CUL3: variants seen among roughly 807,000 people sequenced by gnomAD.
CUL3 encodes the protein cullin-3.
A neutral mutation model predicts 89.1 loss-of-function variants in CUL3; 19 were observed. The ratio of observed to expected loss-of-function variants is 0.21; its 90% CI spans 0.15 to 0.31. The LOEUF is 0.31. Among genes scored for constraint, CUL3 ranks in the 10% least tolerant of loss-of-function variants. CUL3 has a pLI of 1.00. For synonymous variants in CUL3, 351 were observed against 308.4 expected (o/e 1.14, Z -1.45); for missense variants, 469 against 942.3 (o/e 0.50, Z 6.58).
At chr2:224,539,424 C>T (rs1694012552) in intron 2 of CUL3, among the ~76,000 whole-genome samples, 1 of 152,152 alleles carries the variant, frequency 6.6e-6, no homozygotes, top group East Asian at 1.9e-4. Flanking sequence ...ATACTCTTAC[C>T]ATATAATCTG....
At chr2:224,513,399 T>C (rs995199936) in intron 5 of CUL3, 125 bp downstream of exon 5, 5 of 648,368 alleles carry the variant, frequency 7.7e-6, no homozygotes, top group African/African-American at 1.9e-5. Context: ...GATGGGCATT[T>C]TTTGCATACT....
At chr2:224,580,727 G>C (rs1277229252) in intron 1 of CUL3, among the ~76,000 whole-genome samples, 1 of 151,742 alleles carries the variant, frequency 6.6e-6, no homozygotes, top group African/African-American at 2.4e-5. Flanking sequence ...AAAAGAATCT[G>C]ATATTACTGA....
At chr2:224,509,719 G>A (rs2106211365) in intron 6 of CUL3, among the ~76,000 whole-genome samples, 1 of 152,334 alleles carries the variant, frequency 6.6e-6, no homozygotes, top group Non-Finnish European at 1.5e-5. Context: ...ATTCAGGTAT[G>A]CCCAACAACC....
At chr2:224,526,585 CAAAAAAAAAAAA>C (rs1166152595) in intron 3 of CUL3, among the ~76,000 whole-genome samples, 1,242 of 26,218 alleles carry the variant, frequency 0.047, 20 homozygotes, top group African/African-American at 0.1. Flanking sequence ...GACTCCGTCT[CAAAAAAAAAAAA>C]AAAAAAAAAA....
chr2:224,476,384 C>T (rs983175151), intron 15 of CUL3, among the ~76,000 whole-genome samples: 1 of 152,160 alleles, frequency 6.6e-6, no homozygotes, highest in African/African-American at 2.4e-5. Flanking sequence ...ATCTGCCAAT[C>T]TCTGGTGTAG....
intron 1 of CUL3, among the ~76,000 whole-genome samples, chr2:224,565,346 G>A (rs561411598): frequency 2.0e-5 from 3 of 152,300 alleles, no homozygotes; most frequent in East Asian, 1.9e-4. Context: ...AGTAGGCTGA[G>A]GTGTAGGAGG....
intron 3 of CUL3, among the ~76,000 whole-genome samples, chr2:224,535,261 AC>A (rs1432812596): frequency 1.3e-5 from 2 of 151,720 alleles, no homozygotes; most frequent in Admixed American, 6.6e-5. Flanking sequence ...ATCTTGGCTC[AC>A]CCCCCGGTTC....
rs565266095 is a variant in CUL3 at position 224,483,917 on chromosome 2, C to T, written c.1843-1839G>A. 3.0e-4 allele frequency among the ~76,000 whole-genome samples: 46 copies of T among 152,268 alleles called. 1 individual carries two copies. Among genetic ancestry groups the T allele is most frequent in the Admixed American group, 4.6e-4 (7 of 15,300 alleles). On this transcript the variant is annotated intron_variant, in intron 13 of 15. Transcript: ENST00000264414. ...AAATATTTTATATTTGCGCCAAGCA[C>T]GGTTGCTCACGCCTGTAATCCCAGC...
At chr2:224,513,351 T>G (rs1482117376) in intron 5 of CUL3, among the ~76,000 whole-genome samples, 173 bp downstream of exon 5, 1 of 152,212 alleles carries the variant, frequency 6.6e-6, no homozygotes, top group Non-Finnish European at 1.5e-5. Context: ...ATCGATGAGT[T>G]GCTTAACTGG....
At chr2:224,544,435 A>G (rs1322380753) in intron 2 of CUL3, among the ~76,000 whole-genome samples, 6 of 152,336 alleles carry the variant, frequency 3.9e-5, no homozygotes, top group African/African-American at 1.4e-4. Context: ...AACTTCTTCA[A>G]TCACTTTATT....
At chr2:224,542,385 A>G (rs1477004274) in intron 2 of CUL3, among the ~76,000 whole-genome samples, 2 of 152,076 alleles carry the variant, frequency 1.3e-5, no homozygotes, top group Non-Finnish European at 2.9e-5. Flanking sequence ...GAGTACAGTG[A>G]CACAATTATA....
intron 2 of CUL3, among the ~76,000 whole-genome samples, chr2:224,552,416 AGAGAC>A (rs1243946063): frequency 6.6e-6 from 1 of 152,240 alleles, no homozygotes; most frequent in Non-Finnish European, 1.5e-5. Flanking sequence ...ACATTCTTCC[AGAGAC>A]AAGAAAAATA....
At chr2:224,533,883 A>AG (rs1356754499) in intron 3 of CUL3, among the ~76,000 whole-genome samples, 1 of 152,290 alleles carries the variant, frequency 6.6e-6, no homozygotes, top group African/African-American at 2.4e-5. Context: ...TTACAAAACC[A>AG]GGGGTAATAG....
intron 13 of CUL3, among the ~76,000 whole-genome samples, chr2:224,489,525 C>T (rs554989911): frequency 2.2e-4 from 34 of 152,204 alleles, no homozygotes; most frequent in Middle Eastern, 3.4e-3. Flanking sequence ...GAATAAAATA[C>T]CTAGGAATAC....
chr2:224,492,584 T>C (rs555012743), intron 13 of CUL3, among the ~76,000 whole-genome samples: 2 of 152,290 alleles, frequency 1.3e-5, no homozygotes, highest in African/African-American at 4.8e-5. Flanking sequence ...TACCACTGTA[T>C]GTATTTCCTA....
chr2:224,576,003 A>C (rs1559243160), intron 1 of CUL3, among the ~76,000 whole-genome samples: 1 of 152,226 alleles, frequency 6.6e-6, no homozygotes, highest in African/African-American at 2.4e-5. Flanking sequence ...TCTGTGAGGA[A>C]TGTATTAACA....
In CUL3 at chr2:224,535,519, T is replaced by G. The variant is rs201528683; in HGVS notation, c.378+9A>C. 10 of 1,521,074 alleles carry G rather than the reference T, an allele frequency of 6.6e-6. No individual in the cohort carries two copies. The Admixed American group carries it at 1.8e-4, about 28-fold the overall frequency. 94.2% of individuals were successfully genotyped at this position (1,521,074 alleles called of 1,614,324 possible). On this transcript the variant is annotated intron_variant, in intron 3 of 15. Transcript: ENST00000264414. The stretch of plus-strand genomic sequence containing the variant: ...TAAAGGAAGAAAACATTTAAAAAGC[T>G]CTACTTACCATGTACATTAGTATGT...
At chr2:224,555,962 T>C (rs1301812502) in intron 2 of CUL3, among the ~76,000 whole-genome samples, 2 of 152,190 alleles carry the variant, frequency 1.3e-5, no homozygotes, top group African/African-American at 2.4e-5. Flanking sequence ...GATAGTATCT[T>C]ATCTCTTTGC....
At chr2:224,524,225 A>G (rs1574655843) in intron 3 of CUL3, among the ~76,000 whole-genome samples, 1 of 152,156 alleles carries the variant, frequency 6.6e-6, no homozygotes, top group African/African-American at 2.4e-5. Context: ...GGTTCCCTTC[A>G]GTCACTTGCT....
Sources: allele counts gnomAD v4.1 joint callset (sites outside exome capture counted in the v4.1 genomes callset), GRCh38; gene constraint gnomAD v4.1.1; transcripts MANE v1.5; gene names NCBI Gene and HGNC (gene_info 2026-07-23, HGNC 2026-07-21).